Variants in KIAA1217 observed in about 807,000 individuals in gnomAD.
The protein encoded by KIAA1217 is sickle tail protein homolog.
Under a neutral mutation model 163.9 loss-of-function variants are expected in KIAA1217, and 88 were observed. That is an observed-to-expected ratio of 0.54 (90% confidence interval 0.45 to 0.64). KIAA1217 has a LOEUF of 0.64. Ranked by LOEUF, KIAA1217 falls within the 30% of genes least tolerant of loss-of-function variation. The pLI is 0.00. For synonymous variants in KIAA1217, 903 were observed against 923.1 expected (o/e 0.98, Z 0.39); for missense variants, 2,372 against 2,475.0 (o/e 0.96, Z 0.88).
intron 2 of KIAA1217, among the ~76,000 whole-genome samples, chr10:24,132,127 G>A (rs1361990568): frequency 6.6e-6 from 1 of 152,132 alleles, no homozygotes; most frequent in African/African-American, 2.4e-5. Context: ...AGAAAATCAC[G>A]AAGGACTGCC....
chr10:24,411,402 A>G (rs1335797848), intron 3 of KIAA1217, among the ~76,000 whole-genome samples: 1 of 152,194 alleles, frequency 6.6e-6, no homozygotes, highest in Non-Finnish European at 1.5e-5. Context: ...AAAAATAATT[A>G]ATGGATCTTT....
At chr10:23,723,857 C>T (rs11013662) in intron 1 of KIAA1217, among the ~76,000 whole-genome samples, 10 of 151,938 alleles carry the variant, frequency 6.6e-5, no homozygotes, top group Non-Finnish European at 1.5e-4. Context: ...AAAATATCTG[C>T]GACTGGTAAT....
At chr10:24,443,705 G>A (rs2132104120) in intron 5 of KIAA1217, among the ~76,000 whole-genome samples, 1 of 152,184 alleles carries the variant, frequency 6.6e-6, no homozygotes, top group Admixed American at 6.5e-5. Flanking sequence ...TGGGAAATTT[G>A]AACATGTGTT....
chr10:23,790,128 C>T (rs1158246367), intron 1 of KIAA1217, among the ~76,000 whole-genome samples: 1 of 83,744 alleles, frequency 1.2e-5, no homozygotes, highest in Non-Finnish European at 2.2e-5. Flanking sequence ...CACATATACA[C>T]ATATGCATAT....
intron 1 of KIAA1217, among the ~76,000 whole-genome samples, chr10:23,974,707 C>T (rs1292458189): frequency 1.3e-5 from 2 of 152,114 alleles, no homozygotes; most frequent in Non-Finnish European, 2.9e-5. Context: ...ATATTATATG[C>T]TGAAAAATGT....
chr10:24,441,725 G>A (rs1487571710), intron 5 of KIAA1217, among the ~76,000 whole-genome samples: 1 of 152,080 alleles, frequency 6.6e-6, no homozygotes, highest in African/African-American at 2.4e-5. Context: ...CATCAGATAG[G>A]AGCTTTGATA....
intron 3 of KIAA1217, among the ~76,000 whole-genome samples, chr10:24,400,265 C>A (rs2056371247): frequency 6.6e-6 from 1 of 152,206 alleles, no homozygotes; most frequent in East Asian, 1.9e-4. Context: ...ACCTGACCTG[C>A]ATTTTGGGGA....
intron 2 of KIAA1217, among the ~76,000 whole-genome samples, chr10:24,123,716 A>G (rs533593630): frequency 6.6e-6 from 1 of 152,278 alleles, no homozygotes; most frequent in Admixed American, 6.5e-5. Context: ...CGAAAATGGT[A>G]TTTGTGTAAA....
At chr10:24,326,151 C>T (rs999010601) in intron 2 of KIAA1217, among the ~76,000 whole-genome samples, 3 of 152,058 alleles carry the variant, frequency 2.0e-5, no homozygotes, top group African/African-American at 4.8e-5. Context: ...GTTTTTACTT[C>T]GTTGTGTTTT....
chr10:24,410,593 A>T (rs150927132), intron 3 of KIAA1217, among the ~76,000 whole-genome samples: 184 of 152,228 alleles, frequency 1.2e-3, no homozygotes, highest in African/African-American at 3.9e-3. Flanking sequence ...TTGATTTTAC[A>T]CTTTGAAGGT....
At chr10:23,735,630 T>C (rs1051696502) in intron 1 of KIAA1217, among the ~76,000 whole-genome samples, 1 of 152,132 alleles carries the variant, frequency 6.6e-6, no homozygotes, top group African/African-American at 2.4e-5. Flanking sequence ...ATTTTTTAAT[T>C]AGGTTATTTG....
At chr10:24,095,769 T>C (rs960656621) in intron 2 of KIAA1217, among the ~76,000 whole-genome samples, 1 of 152,148 alleles carries the variant, frequency 6.6e-6, no homozygotes, top group African/African-American at 2.4e-5. Context: ...ATTATACCTT[T>C]TAGATACCTC....
At chr10:23,783,410 T>G (rs926522225) in intron 1 of KIAA1217, among the ~76,000 whole-genome samples, 2 of 152,224 alleles carry the variant, frequency 1.3e-5, no homozygotes, top group South Asian at 2.1e-4. Flanking sequence ...TAGGGATGAA[T>G]GCTGCTGACT....
chr10:23,966,300 T>C (rs1360843062), intron 1 of KIAA1217, among the ~76,000 whole-genome samples: 2 of 152,198 alleles, frequency 1.3e-5, no homozygotes, highest in African/African-American at 2.4e-5. Context: ...GTAAGCATTG[T>C]TCGTGGAATT....
chr10:24,166,670 G>A (rs1019248634), intron 2 of KIAA1217, among the ~76,000 whole-genome samples: 1 of 152,156 alleles, frequency 6.6e-6, no homozygotes, highest in Non-Finnish European at 1.5e-5. Flanking sequence ...CCTGGGAAGT[G>A]GAGGTTGCAG....
At chr10:24,488,772 A>T (rs1187298972) in intron 6 of KIAA1217, among the ~76,000 whole-genome samples, 1 of 152,218 alleles carries the variant, frequency 6.6e-6, no homozygotes, top group African/African-American at 2.4e-5. Context: ...GCATGAACAA[A>T]CAAGGGCATA....
chr10:24,465,129 G>A (rs114589881), intron 5 of KIAA1217, among the ~76,000 whole-genome samples: 1 of 152,174 alleles, frequency 6.6e-6, no homozygotes, highest in Non-Finnish European at 1.5e-5. Context: ...ATGTATACCA[G>A]ATTCATCAGA....
At chr10:24,402,334 G>A (rs1255412636) in intron 3 of KIAA1217, among the ~76,000 whole-genome samples, 2 of 151,840 alleles carry the variant, frequency 1.3e-5, no homozygotes, top group African/African-American at 4.8e-5. Context: ...GTGAAACCCT[G>A]TCTCTACTAA....
rs184131714 is a variant in KIAA1217 at position 23,854,208 on chromosome 10, G to C, written c.-320-153017G>C. On this transcript the variant is annotated intron_variant, in intron 1 of 18. Coordinates refer to the KIAA1217 transcript ENST00000376462. ...GAATGTGTCCCAGAGATTCTGATAT[G>C]TTGTGTCTTTGTTCTCGTTGGTTTC... Among the ~76,000 whole-genome samples, 436 of 152,124 alleles carry C rather than the reference G, an allele frequency of 2.9e-3. 3 individuals carry two copies. Among genetic ancestry groups the C allele is most frequent in the African/African-American group, 0.01 (422 of 41,500 alleles).
Sources: allele counts gnomAD v4.1 joint callset (sites outside exome capture counted in the v4.1 genomes callset), GRCh38; gene constraint gnomAD v4.1.1; transcripts MANE v1.5; gene names NCBI Gene and HGNC (gene_info 2026-07-23, HGNC 2026-07-21).